ZDHHC21: variants seen among roughly 807,000 people sequenced by gnomAD.
The protein encoded by ZDHHC21 is zDHHC palmitoyltransferase 21, also known as palmitoyltransferase ZDHHC21.
ZDHHC21 carries 15 observed loss-of-function variants against 34.6 expected under a neutral mutation model. That is an observed-to-expected ratio of 0.43 (90% CI 0.29 to 0.67). The LOEUF (loss-of-function observed/expected upper bound fraction) is 0.67, where lower values mean the gene tolerates loss of function less well. Among genes scored for constraint, ZDHHC21 ranks in the 30% least tolerant of loss-of-function variants. ZDHHC21 has a pLI of 0.14. For synonymous variants in ZDHHC21, 142 were observed against 101.8 expected (o/e 1.40, Z -2.38); for missense variants, 344 against 327.7 (o/e 1.05, Z -0.38).
intron 6 of ZDHHC21, among the ~76,000 whole-genome samples, chr9:14,660,875 A>G (rs10481504): frequency 0.25 from 38,008 of 152,082 alleles, 5,292 homozygotes; most frequent in East Asian, 0.35. Flanking sequence ...AGTGAATAAG[A>G]AACTCTACAA....
In ZDHHC21 at chr9:14,618,945, C is replaced by G. The variant is rs371401840; in HGVS notation, c.*21G>C. 3 of 1,576,274 alleles carry G rather than the reference C, an allele frequency of 1.9e-6. No individual in the cohort carries two copies. The highest frequency in any genetic ancestry group is 2.6e-6 in the Non-Finnish European group (3 of 1,160,634). On this transcript the variant is annotated 3_prime_UTR_variant, in exon 10 of 10. Coordinates refer to ENST00000380916, the MANE Select transcript of ZDHHC21 (RefSeq NM_178566.6). The stretch of plus-strand genomic sequence containing the variant: ...CGCATTGCCAGCATGGAGGACCCAT[C>G]TGTGCCCACCATCCATCTGTTTAGA...
chr9:14,669,282 G>T (rs1835034531), intron 5 of ZDHHC21, among the ~76,000 whole-genome samples: 1 of 144,782 alleles, frequency 6.9e-6, no homozygotes, highest in Non-Finnish European at 1.5e-5. Flanking sequence ...TCAGAGAAAT[G>T]CAAATCAAAA....
chr9:14,640,110 T>G lies in ZDHHC21; in HGVS notation c.505-98A>C, dbSNP rs1238008690. ...GAATTGAGCCATAACACATCTTCCT[T>G]ATTATCTTAAAAGAACTACCTCTCC... On this transcript the variant is annotated intron_variant, in intron 7 of 9. Transcript: ENST00000380916. 3 of 596,760 alleles carry G rather than the reference T, an allele frequency of 5.0e-6. No individual in the cohort carries two copies. In the East Asian group the frequency reaches 8.0e-5, roughly 16 times the overall value. 37.0% of individuals were successfully genotyped at this position (596,760 alleles called of 1,614,324 possible).
chr9:14,641,489 T>C (rs1829366427), intron 7 of ZDHHC21, among the ~76,000 whole-genome samples: 1 of 152,186 alleles, frequency 6.6e-6, no homozygotes, highest in Non-Finnish European at 1.5e-5. Context: ...ATGGCAATCA[T>C]TCTTATGCAT....
At chr9:14,596,464 C>T in the ZDHHC21 span, among the ~76,000 whole-genome samples, 1 of 152,200 alleles carries the variant, frequency 6.6e-6, no homozygotes, top group African/African-American at 2.4e-5. Context: ...CACATACCTA[C>T]ATGCTGCTTG....
rs1390816913 is a variant in ZDHHC21, at chr9:14,617,051, T to G, written c.*1915A>C. ...CTGCTGTTTTCTCAAGGTCTTTATT[T>G]GAAAGGAATGTATACAATATAAGGC... is the stretch of plus-strand genomic sequence containing the variant. On this transcript the variant is annotated 3_prime_UTR_variant, in exon 10 of 10. Transcript: ENST00000380916. 1 of 151,648 alleles carries G rather than the reference T, an allele frequency of 6.6e-6. No individual in the cohort carries two copies. Among genetic ancestry groups the G allele is most frequent in the Non-Finnish European group, 1.5e-5 (1 of 67,818 alleles). 9.4% of individuals were successfully genotyped at this position (151,648 alleles called of 1,614,324 possible).
At chr9:14,672,758 A>T in intron 5 of ZDHHC21, 72 bp downstream of exon 5, 1 of 1,001,188 alleles carries the variant, frequency 1.0e-6, no homozygotes. Context: ...ATATATATTA[A>T]AGGCAATAAA....
At chr9:14,650,015 A>G (rs1176688648) in intron 7 of ZDHHC21, among the ~76,000 whole-genome samples, 1 of 152,052 alleles carries the variant, frequency 6.6e-6, no homozygotes, top group Non-Finnish European at 1.5e-5. Flanking sequence ...AAAAACTGCT[A>G]AATTTTCTAT....
intron 7 of ZDHHC21, among the ~76,000 whole-genome samples, chr9:14,644,531 G>A (rs1410393754): frequency 6.6e-6 from 1 of 151,856 alleles, no homozygotes; most frequent in African/African-American, 2.4e-5. Context: ...GGGTCGGGAA[G>A]AAAGACCATT....
At chr9:14,663,543 T>C (rs1348560476) in intron 5 of ZDHHC21, among the ~76,000 whole-genome samples, 2 of 150,836 alleles carry the variant, frequency 1.3e-5, no homozygotes, top group East Asian at 3.9e-4. Flanking sequence ...TTTTTTTCTC[T>C]TTTTTTTCTT....
In ZDHHC21 at chr9:14,612,085, G is replaced by T. The variant is rs1372208748; in HGVS notation, c.*6881C>A. The T allele has an allele frequency of 6.6e-6, 1 of 151,998 alleles. No individual in the cohort carries two copies. Among genetic ancestry groups the T allele is most frequent in the Non-Finnish European group, 1.5e-5 (1 of 67,928 alleles). The allele number at this position is 151,998 out of a possible 1,614,324, so 9.4% of individuals were successfully genotyped here. On this transcript the variant is annotated 3_prime_UTR_variant, in exon 10 of 10. Coordinates refer to ENST00000380916, the MANE Select transcript of ZDHHC21 (RefSeq NM_178566.6). ...GGGAATATTGTTGGCAGATTAGAGA[G>T]AGATAATGTTGCTTCATCTCATTAG...
At chr9:14,627,556 T>G (rs1717556653) in intron 8 of ZDHHC21, among the ~76,000 whole-genome samples, 1 of 152,000 alleles carries the variant, frequency 6.6e-6, no homozygotes, top group Non-Finnish European at 1.5e-5. Context: ...ACCCCCAACC[T>G]CACCACAACT....
rs539824224 is a variant in ZDHHC21, at chr9:14,688,013, G to T, written c.-176+2324C>A. Reference sequence around the variant, plus strand: ...TCATTCTACTCTGAAAATTAGTCAAGTGTGGCAGTTAAATAATTCTCCATA... The same window carrying T: ...TCATTCTACTCTGAAAATTAGTCAATTGTGGCAGTTAAATAATTCTCCATA... On this transcript the variant is annotated intron_variant, in intron 2 of 9. Transcript: ENST00000380916. 1.7e-4 allele frequency among the ~76,000 whole-genome samples: 25 copies of T among 151,048 alleles called. No individual in the cohort carries two copies. The East Asian group carries it at 4.8e-3, about 29-fold the overall frequency.
At position 14,672,710 on chromosome 9, in the gene ZDHHC21, A is replaced by G. The variant is rs983283132; in HGVS notation, c.253+120T>C. 83 of 646,084 alleles carry G rather than the reference A, an allele frequency of 1.3e-4. 1 individual carries two copies. The highest frequency in any genetic ancestry group is 1.9e-4 in the Non-Finnish European group (77 of 399,420). 40.0% of individuals were successfully genotyped at this position (646,084 alleles called of 1,614,324 possible). On this transcript the variant is annotated intron_variant, in intron 5 of 9. Coordinates refer to ENST00000380916, the MANE Select transcript of ZDHHC21 (RefSeq NM_178566.6). ...AAGTTTGGAAAAGACACATACAAGC[A>G]AAGACATCAAAGTGGTGTTAGATGA...
chr9:14,620,313 G>C (rs1198825937), intron 8 of ZDHHC21, among the ~76,000 whole-genome samples: 1 of 151,844 alleles, frequency 6.6e-6, no homozygotes, highest in Non-Finnish European at 1.5e-5. Context: ...TCAACAAACA[G>C]AAGATTGCTT....
At chr9:14,676,162 T>A (rs1386409311) in intron 3 of ZDHHC21, among the ~76,000 whole-genome samples, 2 of 151,982 alleles carry the variant, frequency 1.3e-5, no homozygotes, top group East Asian at 3.9e-4. Context: ...CAGAGGTCCA[T>A]TAGGCTAAGA....
At chr9:14,634,441 G>C (rs551255986) in intron 8 of ZDHHC21, among the ~76,000 whole-genome samples, 1 of 152,260 alleles carries the variant, frequency 6.6e-6, no homozygotes, top group East Asian at 1.9e-4. Flanking sequence ...ATGCCACCCT[G>C]GTGCCCACGG....
At position 14,617,675 on chromosome 9, in the gene ZDHHC21, C is replaced by A; in HGVS notation, c.*1291G>T. 1 of 151,964 alleles carries A rather than the reference C, an allele frequency of 6.6e-6. No homozygotes were observed. Among genetic ancestry groups the A allele is most frequent in the Non-Finnish European group, 1.5e-5 (1 of 67,882 alleles). 9.4% of individuals were successfully genotyped at this position (151,964 alleles called of 1,614,324 possible). ...AAAGCTGAGTTTTTTTCAAAGCATA[C>A]TAAATGTCTTTTCATACAAATGTTC... On this transcript the variant is annotated 3_prime_UTR_variant, in exon 10 of 10. Transcript: ENST00000380916.
intron 5 of ZDHHC21, 36 bp from the exon 6 acceptor site, chr9:14,662,362 C>A: frequency 1.3e-6 from 2 of 1,499,054 alleles, no homozygotes; most frequent in Non-Finnish European, 1.8e-6. Context: ...TTAATGAAGG[C>A]AAGTGGGTAA....
Sources: allele counts gnomAD v4.1 joint callset (sites outside exome capture counted in the v4.1 genomes callset), GRCh38; gene constraint gnomAD v4.1.1; transcripts MANE v1.5; gene names NCBI Gene and HGNC (gene_info 2026-07-23, HGNC 2026-07-21).